LRRC36: variants seen among roughly 807,000 people sequenced by gnomAD.
LRRC36 encodes leucine-rich repeat-containing protein 36.
In LRRC36, 62 loss-of-function variants were observed where a neutral mutation model predicts 81.1. The ratio of observed to expected loss-of-function variants is 0.76; its 90% CI spans 0.62 to 0.94. The LOEUF is 0.94. Ranked by LOEUF, LRRC36 falls within the 40% of genes least tolerant of loss-of-function variation. The probability of loss-of-function intolerance (pLI) is 0.00; values close to 1 mark genes in which losing one functional copy is unlikely to be tolerated. For synonymous variants in LRRC36, 334 were observed against 348.6 expected (o/e 0.96, Z 0.47); for missense variants, 761 against 881.7 (o/e 0.86, Z 1.73).
intron 5 of LRRC36, among the ~76,000 whole-genome samples, chr16:67,362,714 G>T (rs1200997332): frequency 1.3e-5 from 2 of 152,088 alleles, no homozygotes; most frequent in Admixed American, 6.6e-5. Context: ...TAAGGATTTA[G>T]CATTCTTCTC....
intron 11 of LRRC36, among the ~76,000 whole-genome samples, chr16:67,377,634 C>CT (rs1375946082): frequency 1.4e-5 from 2 of 146,618 alleles, no homozygotes; most frequent in Admixed American, 6.8e-5. Context: ...ACCTGGCCGC[C>CT]TTTTTTCTTC....
chr16:67,335,385 G>A (rs896442604), intron 1 of LRRC36, among the ~76,000 whole-genome samples: 9 of 152,250 alleles, frequency 5.9e-5, no homozygotes, highest in Admixed American at 2.6e-4. Context: ...CTGGCTCACC[G>A]GCAATCAGAG....
At chr16:67,368,296 A>G (rs2039490658) in intron 8 of LRRC36, among the ~76,000 whole-genome samples, 1 of 152,186 alleles carries the variant, frequency 6.6e-6, no homozygotes, top group African/African-American at 2.4e-5. Context: ...TTAGCATGCA[A>G]ATATATGTCA....
intron 9 of LRRC36, among the ~76,000 whole-genome samples, chr16:67,373,143 A>G (rs1237500833): frequency 6.6e-6 from 1 of 152,174 alleles, no homozygotes; most frequent in Non-Finnish European, 1.5e-5. Flanking sequence ...ACTTGAAGCC[A>G]GGAGTTTAAG....
rs144784712 is a variant in LRRC36 at position 67,335,642 on chromosome 16, A to G, written c.71-6315A>G. 6.3e-3 allele frequency among the ~76,000 whole-genome samples: 963 copies of G among 152,304 alleles called. 8 individuals carry two copies. Among genetic ancestry groups the G allele is most frequent in the African/African-American group, 0.022 (900 of 41,572 alleles). ...TTGATTGGGGAAGTGATAAGTGTCC[A>G]TGAAACCTTCACAATTTATGTTCTT... On this transcript the variant is annotated intron_variant, in intron 1 of 13. Coordinates refer to ENST00000329956, the MANE Select transcript of LRRC36 (RefSeq NM_018296.6).
chr16:67,355,484 C>G (rs2038858355), intron 5 of LRRC36, among the ~76,000 whole-genome samples: 1 of 146,412 alleles, frequency 6.8e-6, no homozygotes, highest in Non-Finnish European at 1.5e-5. Flanking sequence ...ACGCCATTCT[C>G]CTGCCTCAGC....
chr16:67,378,503 G>A (rs2039994465), intron 11 of LRRC36, 86 bp from the exon 12 acceptor site: 1 of 1,311,608 alleles, frequency 7.6e-7, no homozygotes, highest in Non-Finnish European at 1.1e-6. Context: ...GCCTCCCAAA[G>A]TGCTAGGATT....
chr16:67,331,957 C>CAA (rs1162726125), intron 1 of LRRC36, among the ~76,000 whole-genome samples: 2 of 151,120 alleles, frequency 1.3e-5, no homozygotes, highest in African/African-American at 4.9e-5. Context: ...CATTGCACTC[C>CAA]AGCCTGGGCA....
At chr16:67,356,765 G>A (rs2038921901) in intron 5 of LRRC36, among the ~76,000 whole-genome samples, 1 of 152,126 alleles carries the variant, frequency 6.6e-6, no homozygotes, top group Admixed American at 6.5e-5. Flanking sequence ...GGAAAAGGCT[G>A]CACAAAACAA....
intron 1 of LRRC36, among the ~76,000 whole-genome samples, chr16:67,340,510 G>T (rs1439570682): frequency 1.3e-5 from 2 of 151,850 alleles, no homozygotes; most frequent in East Asian, 3.9e-4. Context: ...CAAAAAATTA[G>T]CCGGGTGTGG....
intron 11 of LRRC36, among the ~76,000 whole-genome samples, chr16:67,377,560 GACCTTAGGTGATCCACCC>G (rs2039949985): frequency 6.6e-6 from 1 of 151,920 alleles, no homozygotes; most frequent in South Asian, 2.1e-4. Flanking sequence ...TCAAACTCCT[GACCTTAGGTGATCCACCC>G]ACCTTAGCCT....
At chr16:67,329,781 G>C (rs1165530509) in intron 1 of LRRC36, among the ~76,000 whole-genome samples, 1 of 152,008 alleles carries the variant, frequency 6.6e-6, no homozygotes, top group South Asian at 2.1e-4. Context: ...AGCTGGACAT[G>C]GTGGCTCACA....
chr16:67,373,698 ACT>A (rs2039758094), intron 9 of LRRC36, among the ~76,000 whole-genome samples: 1 of 119,074 alleles, frequency 8.4e-6, no homozygotes, highest in South Asian at 2.7e-4. Context: ...ACAGAGCAAG[ACT>A]CTGTCTCAAA....
At chr16:67,359,436 T>C (rs1447817730) in intron 5 of LRRC36, among the ~76,000 whole-genome samples, 1 of 152,132 alleles carries the variant, frequency 6.6e-6, no homozygotes, top group Admixed American at 6.5e-5. Context: ...GGCCATTGCA[T>C]AGAGACAGAA....
chr16:67,349,923 GC>G (rs2038539146), intron 4 of LRRC36, among the ~76,000 whole-genome samples: 1 of 152,106 alleles, frequency 6.6e-6, no homozygotes, highest in Non-Finnish European at 1.5e-5. Context: ...ACCACACGTG[GC>G]TGATTTTTGT....
At chr16:67,367,992 G>C (rs1270892770) in intron 8 of LRRC36, among the ~76,000 whole-genome samples, 1 of 152,230 alleles carries the variant, frequency 6.6e-6, no homozygotes, top group Non-Finnish European at 1.5e-5. Flanking sequence ...CTGGGAGGCA[G>C]AGGTTGCAGT....
At chr16:67,384,731 C>T (rs1426222610) in intron 13 of LRRC36, 139 bp from the exon 14 acceptor site, 4 of 629,790 alleles carry the variant, frequency 6.4e-6, no homozygotes, top group Admixed American at 2.9e-5. Flanking sequence ...TTTAAAATAA[C>T]TCAATCATAA....
At position 67,378,756 on chromosome 16, in the gene LRRC36, C is replaced by A. The variant is rs556872286; in HGVS notation, c.1930+44C>A. 1.2e-5 allele frequency: 20 copies of A among 1,603,180 alleles called. No individual in the cohort carries two copies. The East Asian group carries it at 3.4e-4, about 27-fold the overall frequency. Reference sequence around the variant, plus strand: ...TGATATATGAGGCCTCTCAAGACAACTGTTTGTTTATAGATGACCCATTTA... The same window carrying A: ...TGATATATGAGGCCTCTCAAGACAAATGTTTGTTTATAGATGACCCATTTA... On this transcript the variant is annotated intron_variant, in intron 12 of 13. Coordinates refer to ENST00000329956, the MANE Select transcript of LRRC36 (RefSeq NM_018296.6).
At chr16:67,344,766 AC>A (rs1168516701) in intron 2 of LRRC36, among the ~76,000 whole-genome samples, 1 of 152,212 alleles carries the variant, frequency 6.6e-6, no homozygotes, top group Non-Finnish European at 1.5e-5. Flanking sequence ...AACAAAAAAA[AC>A]AAATACAAAA....
Sources: allele counts gnomAD v4.1 joint callset (sites outside exome capture counted in the v4.1 genomes callset), GRCh38; gene constraint gnomAD v4.1.1; transcripts MANE v1.5; gene names NCBI Gene and HGNC (gene_info 2026-07-23, HGNC 2026-07-21).